Variants in CCND2 observed in about 807,000 individuals in gnomAD.
The protein encoded by CCND2 is G1/S-specific cyclin-D2.
In CCND2, 6 loss-of-function variants were observed where a neutral mutation model predicts 30.2. The observed-to-expected ratio is 0.20, with a 90% CI of 0.11 to 0.39. The LOEUF (loss-of-function observed/expected upper bound fraction) is 0.39, where lower values mean the gene tolerates loss of function less well. CCND2 is among the 10% of genes least tolerant of loss of function. CCND2 has a pLI of 1.00. For missense variants in CCND2, 235 were observed against 373.4 expected (o/e 0.63, Z 3.06); for synonymous variants, 150 against 153.1 (o/e 0.98, Z 0.15).
intron 3 of CCND2, among the ~76,000 whole-genome samples, chr12:4,286,249 C>T (rs553345844): frequency 1.6e-4 from 25 of 152,336 alleles, no homozygotes; most frequent in African/African-American, 4.6e-4. Context: ...GTGCTGGTCA[C>T]GACCCACAAA....
At position 4,280,030 on chromosome 12, in the gene CCND2, T is replaced by C. The variant is rs189016964; in HGVS notation, c.571+1111T>C. On this transcript the variant is annotated intron_variant, in intron 3 of 4. Coordinates refer to ENST00000261254, the MANE Select transcript of CCND2 (RefSeq NM_001759.4). The stretch of plus-strand genomic sequence containing the variant: ...TCACAGTCAAAAAGTCAGGCTTTGC[T>C]GCATATCAGTGAGTGACCTTTAATT... 1.8e-3 allele frequency among the ~76,000 whole-genome samples: 277 copies of C among 151,648 alleles called. 2 individuals are homozygous for C. Among genetic ancestry groups the C allele is most frequent in the African/African-American group, 6.4e-3 (266 of 41,516 alleles).
In CCND2 at chr12:4,276,360, C is replaced by T. The variant is rs1363626910; in HGVS notation, c.411+140C>T. On this transcript the variant is annotated intron_variant, in intron 2 of 4. Coordinates refer to ENST00000261254, the MANE Select transcript of CCND2 (RefSeq NM_001759.4). This position sits in a 1 kb window ranked among gnomAD's most constrained non-coding sequence, Gnocchi z 4.8. ...CCAATAGAATTTACCCACTTATGGG[C>T]GATAGCTCATTTAATAGGAAACCAC... 1.5e-6 allele frequency: 1 copy of T among 666,978 alleles called. No homozygotes were observed. Among genetic ancestry groups the T allele is most frequent in the African/African-American group, 1.8e-5 (1 of 55,170 alleles). 41.3% of individuals were successfully genotyped at this position (666,978 alleles called of 1,614,324 possible). A position where few individuals can be genotyped will look rare whatever the true frequency, so the allele number is the denominator to read the frequency against.
At position 4,274,246 on chromosome 12, in the gene CCND2, G is replaced by A; in HGVS notation, c.195+11G>A. ...ACCTGGATGCTGGAGGTAGGTCGGG[G>A]GGTGGCGCTCGCCAGGAGCCAGGAC... is the stretch of plus-strand genomic sequence containing the variant. On this transcript the variant is annotated intron_variant, in intron 1 of 4. Coordinates refer to ENST00000261254, the MANE Select transcript of CCND2 (RefSeq NM_001759.4). This position sits in a 1 kb window ranked among gnomAD's most constrained non-coding sequence, Gnocchi z 7.7. The A allele has an allele frequency of 1.2e-6, 2 of 1,613,072 alleles. No homozygotes were observed. Among genetic ancestry groups the A allele is most frequent in the African/African-American group, 1.3e-5 (1 of 75,050 alleles).
At chr12:4,288,740 C>T (rs1039368654) in intron 3 of CCND2, 102 bp from the exon 4 acceptor site, 16 of 1,194,614 alleles carry the variant, frequency 1.3e-5, no homozygotes, top group South Asian at 1.2e-4. Context: ...TCACTCGCGC[C>T]GCTGACCTGC....
intron 4 of CCND2, among the ~76,000 whole-genome samples, chr12:4,294,994 G>C (rs1019388880): frequency 6.6e-6 from 1 of 152,154 alleles, no homozygotes; most frequent in African/African-American, 2.4e-5. Context: ...CAAGACCCGG[G>C]CGATGTGGAG....
Position 4,302,137 on chromosome 12 carries a change from C to T in CCND2, c.*2128C>T, listed in dbSNP as rs1273635213. 2 of 233,036 alleles carry T rather than the reference C, an allele frequency of 8.6e-6. No individual in the cohort carries two copies. Among genetic ancestry groups the T allele is most frequent in the Non-Finnish European group, 1.7e-5 (2 of 117,800 alleles). The allele number at this position is 233,036 out of a possible 1,614,324, so 14.4% of individuals were successfully genotyped here. On this transcript the variant is annotated 3_prime_UTR_variant, in exon 5 of 5. Coordinates refer to ENST00000261254, the MANE Select transcript of CCND2 (RefSeq NM_001759.4). Reference sequence around the variant, plus strand: ...GAAGCAGTGTGAGCAGGGCTGACTCCCTCTCAGGTGGAAGGCAGGGCGGTC... The same window carrying T: ...GAAGCAGTGTGAGCAGGGCTGACTCTCTCTCAGGTGGAAGGCAGGGCGGTC...
At chr12:4,277,921 CGTAA>C (rs1290912664) in intron 2 of CCND2, among the ~76,000 whole-genome samples, 1 of 152,214 alleles carries the variant, frequency 6.6e-6, no homozygotes, top group Non-Finnish European at 1.5e-5. Context: ...CACAGTTTCC[CGTAA>C]GTATCTCAGT....
intron 4 of CCND2, among the ~76,000 whole-genome samples, chr12:4,297,350 T>A (rs941914451): frequency 6.6e-6 from 1 of 152,086 alleles, no homozygotes; most frequent in Admixed American, 6.5e-5. Flanking sequence ...GGCGGGCAGA[T>A]ACCTGAGGTC....
chr12:4,290,178 C>G (rs952247935), intron 4 of CCND2, among the ~76,000 whole-genome samples: 3 of 152,234 alleles, frequency 2.0e-5, no homozygotes, highest in African/African-American at 7.2e-5. Flanking sequence ...ACGGCTGCAG[C>G]TCGCCGGCCT....
chr12:4,274,633 C>G lies in CCND2; in HGVS notation c.195+398C>G, dbSNP rs572013812. 4.0e-3 allele frequency among the ~76,000 whole-genome samples: 614 copies of G among 152,288 alleles called. 5 individuals are homozygous for G. Among genetic ancestry groups the G allele is most frequent in the African/African-American group, 0.014 (595 of 41,562 alleles). ...ACCCCGAGTAGAAAGGCAACCCCCCCCAAAAGGCCAGAGCAAATTCGTCTT... is the reference window on the plus strand; with the variant it reads ...ACCCCGAGTAGAAAGGCAACCCCCCGCAAAAGGCCAGAGCAAATTCGTCTT... On this transcript the variant is annotated intron_variant, in intron 1 of 4. Transcript: ENST00000261254. This position sits in a 1 kb window ranked among gnomAD's most constrained non-coding sequence, Gnocchi z 7.7.
At chr12:4,297,920 G>T (rs963063629) in intron 4 of CCND2, 1 of 391,348 alleles carries the variant, frequency 2.6e-6, no homozygotes, top group Non-Finnish European at 5.2e-6. Context: ...GTCATGTTCA[G>T]CACTCTTCCC....
chr12:4,275,769 C>A (rs1388090406), intron 1 of CCND2, among the ~76,000 whole-genome samples: 2 of 152,048 alleles, frequency 1.3e-5, no homozygotes, highest in Non-Finnish European at 2.9e-5. Context: ...AGCTGTAGTT[C>A]ACCCCCTTTT....
chr12:4,287,021 C>G lies in CCND2; in HGVS notation c.572-1821C>G, dbSNP rs918746565. Among the ~76,000 whole-genome samples the G allele has an allele frequency of 6.6e-6, 1 of 152,190 alleles. No individual in the cohort carries two copies. The highest frequency in any genetic ancestry group is 1.5e-5 in the Non-Finnish European group (1 of 68,032). ...GGGCAGAGAAACACTCTCCTGTGACCCATGTGGAAGAGACCTACAGCAGAG... is the reference window on the plus strand; with the variant it reads ...GGGCAGAGAAACACTCTCCTGTGACGCATGTGGAAGAGACCTACAGCAGAG... On this transcript the variant is annotated intron_variant, in intron 3 of 4. Coordinates refer to ENST00000261254, the MANE Select transcript of CCND2 (RefSeq NM_001759.4). This position sits in a 1 kb window ranked among gnomAD's most constrained non-coding sequence, Gnocchi z 4.0.
At chr12:4,286,479 C>CTGTGTAGCGGGCAACAGAGGAAGAT (rs1565434642) in intron 3 of CCND2, among the ~76,000 whole-genome samples, 1 of 152,146 alleles carries the variant, frequency 6.6e-6, no homozygotes, top group Non-Finnish European at 1.5e-5. Flanking sequence ...GGAAGATGCT[C>CTGTGTAGCGGGCAACAGAGGAAGAT]GTCTTCTGTG....
chr12:4,294,537 A>G (rs973846920), intron 4 of CCND2, among the ~76,000 whole-genome samples: 2 of 152,152 alleles, frequency 1.3e-5, no homozygotes, highest in African/African-American at 4.8e-5. Flanking sequence ...TTTTCCAGCC[A>G]CTTGGGCTCT....
chr12:4,292,215 C>T (rs796803880), intron 4 of CCND2, among the ~76,000 whole-genome samples: 6 of 152,168 alleles, frequency 3.9e-5, no homozygotes, highest in African/African-American at 1.2e-4. Flanking sequence ...GAAACATTCT[C>T]GGGCCACGCT....
chr12:4,280,193 C>T (rs985834218), intron 3 of CCND2, among the ~76,000 whole-genome samples: 3 of 152,238 alleles, frequency 2.0e-5, no homozygotes, highest in Non-Finnish European at 2.9e-5. Context: ...CTTTGTAAAC[C>T]GAAGTGTAGG....
rs1414058238 is a variant in CCND2 at position 4,288,812 on chromosome 12, C to T, written c.572-30C>T. 8 of 1,595,384 alleles carry T rather than the reference C, an allele frequency of 5.0e-6. No individual in the cohort carries two copies. The South Asian group carries it at 9.1e-5, about 18-fold the overall frequency. ...CTCCAGGATCCAAATTCGTTCTGTG[C>T]CCTGACCTTCTGCCTCTCATTCCTT... is the stretch of plus-strand genomic sequence containing the variant. On this transcript the variant is annotated intron_variant, in intron 3 of 4. Coordinates refer to ENST00000261254, the MANE Select transcript of CCND2 (RefSeq NM_001759.4).
rs1864008078 is a variant in CCND2 at position 4,285,323 on chromosome 12, A to C, written c.572-3519A>C. The C allele has an allele frequency of 1.0e-6, 1 of 985,304 alleles. No homozygotes were observed. Among genetic ancestry groups the C allele is most frequent in the Non-Finnish European group, 1.2e-6 (1 of 829,932 alleles). 61.0% of individuals were successfully genotyped at this position (985,304 alleles called of 1,614,324 possible). A position where few individuals can be genotyped will look rare whatever the true frequency, so the allele number is the denominator to read the frequency against. On this transcript the variant is annotated intron_variant, in intron 3 of 4. Coordinates refer to ENST00000261254, the MANE Select transcript of CCND2 (RefSeq NM_001759.4). The surrounding 1 kb of genome is among the most constrained non-coding windows in gnomAD (Gnocchi z 4.1). ...CAGCATCTCACCTCTCCAGGTGGGC[A>C]ATTAACGATGGCGAGGGCACACCCT...
Sources: gnomAD v4.1 joint callset for allele counts (sites outside exome capture counted in the v4.1 genomes callset) on GRCh38, gnomAD v4.1.1 for gene constraint, Gnocchi (gnomAD v3.1) non-coding constraint, MANE v1.5 for transcripts, NCBI Gene and HGNC (gene_info 2026-07-23, HGNC 2026-07-21) for gene names.